The following SV2C variants were observed in gnomAD, a reference collection of about 807,000 sequenced individuals.
The protein encoded by SV2C is synaptic vesicle glycoprotein 2C, also known as solute carrier family 22 member B3.
A neutral mutation model predicts 79.7 loss-of-function variants in SV2C; 49 were observed. The ratio of observed to expected loss-of-function variants is 0.61; its 90% CI spans 0.49 to 0.78. The LOEUF is 0.78. Ranked by LOEUF, SV2C falls within the 30% of genes least tolerant of loss-of-function variation. SV2C has a pLI of 0.00. For synonymous variants in SV2C, 334 were observed against 333.2 expected, an observed-to-expected ratio of 1.00 and a Z score of -0.03; for missense variants, 833 against 912.9, an observed-to-expected ratio of 0.91 and a Z score of 1.13.
At chr5:75,849,712 A>G in the SV2C span, among the ~76,000 whole-genome samples, 1 of 152,226 alleles carries the variant, frequency 6.6e-6, no homozygotes, top group Admixed American at 6.5e-5. Flanking sequence ...GAGAGCTTGT[A>G]AAGATGAAGA....
intron 2 of SV2C, among the ~76,000 whole-genome samples, chr5:76,186,317 T>G (rs951574324): frequency 3.3e-5 from 5 of 152,202 alleles, no homozygotes; most frequent in Non-Finnish European, 7.3e-5. Context: ...AGAGCAGTGC[T>G]TCACTACCCA....
intron 1 of SV2C, among the ~76,000 whole-genome samples, chr5:76,092,782 T>C (rs1747423120): frequency 6.6e-6 from 1 of 152,168 alleles, no homozygotes; most frequent in Non-Finnish European, 1.5e-5. Context: ...ACTCCCGCCA[T>C]ACACATATTT....
At chr5:76,344,090 T>C (rs1195351568) in intron 12 of SV2C, among the ~76,000 whole-genome samples, 1 of 152,218 alleles carries the variant, frequency 6.6e-6, no homozygotes, top group African/African-American at 2.4e-5. Context: ...ATCCAACCTC[T>C]GCCCCCTGCC....
At chr5:75,878,642 A>AATTCATG in the SV2C span, among the ~76,000 whole-genome samples, 1 of 152,092 alleles carries the variant, frequency 6.6e-6, no homozygotes, top group African/African-American at 2.4e-5. Context: ...ATTCAATGGA[A>AATTCATG]ATTCATGTCT....
At chr5:76,179,723 A>G (rs1488694420) in intron 2 of SV2C, among the ~76,000 whole-genome samples, 2 of 152,228 alleles carry the variant, frequency 1.3e-5, no homozygotes, top group Non-Finnish European at 2.9e-5. Context: ...GCCATCAGCA[A>G]TGGATTAGGG....
chr5:76,005,441 T>C, the SV2C span, among the ~76,000 whole-genome samples: 447 of 152,322 alleles, frequency 2.9e-3, 1 homozygote, highest in Non-Finnish European at 5.0e-3. Flanking sequence ...CTGCTCTATA[T>C]ACCCTTCATG....
chr5:75,879,958 A>G, the SV2C span, among the ~76,000 whole-genome samples: 1 of 152,198 alleles, frequency 6.6e-6, no homozygotes. Flanking sequence ...TTGACACCAC[A>G]TGGAATCTAC....
chr5:76,143,763 C>T (rs1172482468), intron 2 of SV2C, among the ~76,000 whole-genome samples: 3 of 152,050 alleles, frequency 2.0e-5, no homozygotes, highest in Non-Finnish European at 2.9e-5. Flanking sequence ...GTTTTAACAT[C>T]GAGGATCTTC....
the SV2C span, among the ~76,000 whole-genome samples, chr5:76,045,854 C>CA: frequency 6.6e-6 from 1 of 152,112 alleles, no homozygotes; most frequent in Non-Finnish European, 1.5e-5. Context: ...TTCCTGCCTG[C>CA]AAAAAGCTTA....
At chr5:76,338,596 C>G (rs34196522), downstream of SV2C, among the ~76,000 whole-genome samples, 2 of 152,094 alleles carry the variant, frequency 1.3e-5, no homozygotes, top group Non-Finnish European at 2.9e-5. Flanking sequence ...GCTATTGCCC[C>G]CTCTTCAGCC....
chr5:76,224,537 C>T (rs937174125), intron 4 of SV2C, among the ~76,000 whole-genome samples: 4 of 152,144 alleles, frequency 2.6e-5, no homozygotes, highest in African/African-American at 7.2e-5. Context: ...ACATAAAAAT[C>T]GCCATCATTT....
the SV2C span, among the ~76,000 whole-genome samples, chr5:75,992,821 T>C: frequency 6.6e-6 from 1 of 152,040 alleles, no homozygotes; most frequent in African/African-American, 2.4e-5. Context: ...ATAGGGGCAG[T>C]GAGAATGTCA....
intron 4 of SV2C, among the ~76,000 whole-genome samples, chr5:76,225,729 G>A (rs1369867836): frequency 2.6e-5 from 4 of 152,206 alleles, no homozygotes; most frequent in Admixed American, 1.3e-4. Context: ...TAGGCAACTG[G>A]TTGAGGGCCA....
chr5:75,939,868 A>T, the SV2C span, among the ~76,000 whole-genome samples: 1 of 151,916 alleles, frequency 6.6e-6, no homozygotes, highest in African/African-American at 2.4e-5. Flanking sequence ...TCTCCTCCCC[A>T]TCTTCACCTG....
At chr5:75,928,910 A>G in the SV2C span, among the ~76,000 whole-genome samples, 2 of 152,306 alleles carry the variant, frequency 1.3e-5, no homozygotes, top group Admixed American at 1.3e-4. Flanking sequence ...CAATTGGAAT[A>G]TTAATAAAAG....
chr5:75,952,958 C>T, the SV2C span, among the ~76,000 whole-genome samples: 345 of 152,084 alleles, frequency 2.3e-3, 1 homozygote, highest in Non-Finnish European at 4.0e-3. Flanking sequence ...CTAGATGTAT[C>T]CCCTTGTATA....
intron 3 of SV2C, among the ~76,000 whole-genome samples, chr5:76,206,747 G>A (rs1457676450): frequency 6.6e-6 from 1 of 152,292 alleles, no homozygotes; most frequent in Admixed American, 6.5e-5. Flanking sequence ...GGTTTATGGG[G>A]TGTGAAACAC....
At chr5:75,864,632 A>G in the SV2C span, among the ~76,000 whole-genome samples, 1 of 152,224 alleles carries the variant, frequency 6.6e-6, no homozygotes, top group Non-Finnish European at 1.5e-5. Context: ...GGCTACATCC[A>G]TGACCCTACT....
intron 12 of SV2C, among the ~76,000 whole-genome samples, chr5:76,324,142 TAG>T (rs1370977051): frequency 2.0e-5 from 3 of 152,172 alleles, no homozygotes; most frequent in Non-Finnish European, 4.4e-5. Context: ...ACTTATCTGA[TAG>T]AGACAGGGTC....
Sources: allele counts gnomAD v4.1 joint callset (sites outside exome capture counted in the v4.1 genomes callset), GRCh38; gene constraint gnomAD v4.1.1; transcripts MANE v1.5; gene names NCBI Gene and HGNC (gene_info 2026-07-23, HGNC 2026-07-21).